The following UPRT variants were observed in gnomAD, a reference collection of about 807,000 sequenced individuals.
UPRT encodes the protein RP11-311P8.3.
Under a neutral mutation model 22.6 loss-of-function variants are expected in UPRT, and 5 were observed. The observed-to-expected ratio is 0.22, with a 90% CI of 0.12 to 0.47. The LOEUF is 0.47. Ranked by LOEUF, UPRT falls within the 20% of genes least tolerant of loss-of-function variation. The pLI, the probability that UPRT is intolerant of heterozygous loss-of-function variation, is 0.99. For synonymous variants in UPRT, 77 were observed against 87.7 expected (o/e 0.88, Z 0.68); for missense variants, 181 against 239.9 (o/e 0.75, Z 1.62).
intron 1 of UPRT, among the ~76,000 whole-genome samples, chrX:75,283,101 C>A (rs570695676): frequency 8.9e-6 from 1 of 111,893 alleles, no homozygotes; most frequent in Non-Finnish European, 1.9e-5. Flanking sequence ...TACTCCAGCT[C>A]GGTTTTGGTG....
intron 4 of UPRT, among the ~76,000 whole-genome samples, chrX:75,238,153 G>T (rs939291082): frequency 1.8e-5 from 2 of 111,060 alleles, no homozygotes; most frequent in Non-Finnish European, 3.8e-5. Context: ...AATGCAAATG[G>T]CCCTAAATGC....
At chrX:75,196,685 A>C (rs2147621194) in intron 4 of UPRT, among the ~76,000 whole-genome samples, 1 of 111,506 alleles carries the variant, frequency 9.0e-6, no homozygotes, top group Admixed American at 9.5e-5. Flanking sequence ...TGTTTCTACT[A>C]AAAATACACA....
intron 4 of UPRT, among the ~76,000 whole-genome samples, chrX:75,192,334 G>A (rs1602447969): frequency 1.6e-5 from 1 of 61,836 alleles, no homozygotes; most frequent in African/African-American, 3.6e-5. Flanking sequence ...TGATTGACAT[G>A]ATTTCAGTTT....
intron 4 of UPRT, among the ~76,000 whole-genome samples, chrX:75,249,826 C>A (rs1270219337): frequency 2.7e-5 from 3 of 111,476 alleles, no homozygotes; most frequent in African/African-American, 9.8e-5. Context: ...CACTCCTCAG[C>A]AAATGTAAAA....
chrX:75,211,193 C>A (rs764084378), intron 4 of UPRT, among the ~76,000 whole-genome samples: 1 of 110,606 alleles, frequency 9.0e-6, no homozygotes, highest in South Asian at 3.9e-4. Context: ...AGTGAGTACC[C>A]CAGAGGGGAG....
intron 5 of UPRT, among the ~76,000 whole-genome samples, chrX:75,300,269 T>C (rs1275917696): frequency 8.9e-6 from 1 of 111,933 alleles, no homozygotes; most frequent in Non-Finnish European, 1.9e-5. Flanking sequence ...TATTCTGTTC[T>C]GTTTCTTAAG....
At chrX:75,240,107 C>A (rs760668715) in intron 4 of UPRT, among the ~76,000 whole-genome samples, 28 of 111,124 alleles carry the variant, frequency 2.5e-4, no homozygotes, top group Non-Finnish European at 4.9e-4. Flanking sequence ...AGCAATCAGA[C>A]AAGTGAAAGA....
At chrX:75,265,187 C>T (rs758512127) in intron 4 of UPRT, among the ~76,000 whole-genome samples, 4 of 110,797 alleles carry the variant, frequency 3.6e-5, no homozygotes, top group Non-Finnish European at 7.6e-5. Context: ...GGAGTATCTT[C>T]GTGGCATTCT....
At chrX:75,191,816 G>T (rs1008696541) in intron 4 of UPRT, among the ~76,000 whole-genome samples, 1 of 112,187 alleles carries the variant, frequency 8.9e-6, no homozygotes, top group Non-Finnish European at 1.9e-5. Context: ...TTGGAAGAGC[G>T]TATTAGGGTG....
intron 4 of UPRT, among the ~76,000 whole-genome samples, chrX:75,187,536 A>G (rs1255709461): frequency 9.0e-6 from 1 of 110,977 alleles, no homozygotes; most frequent in Non-Finnish European, 1.9e-5. Flanking sequence ...TCTTTGTGGC[A>G]TTCTCTGTAT....
chrX:75,242,758 C>T (rs945998555), intron 4 of UPRT, among the ~76,000 whole-genome samples: 2 of 111,372 alleles, frequency 1.8e-5, no homozygotes, highest in Non-Finnish European at 3.8e-5. Context: ...CTTTTGTCTT[C>T]TCCCAACTCT....
chrX:75,266,547 A>T (rs1033556229), intron 4 of UPRT, among the ~76,000 whole-genome samples: 1 of 111,909 alleles, frequency 8.9e-6, no homozygotes, highest in Non-Finnish European at 1.9e-5. Context: ...CTTCATGTCT[A>T]AAACACCAAA....
chrX:75,300,787 C>T (rs180951538), intron 5 of UPRT, 80 bp from the exon 6 acceptor site: 1 of 783,980 alleles, frequency 1.3e-6, no homozygotes, highest in East Asian at 3.5e-5. Context: ...TCCCTGTCCC[C>T]CCTCCCCCAA....
rs201034223 is a variant in UPRT at position 75,274,775 on chromosome X, G to GGTGTGT, written c.386+172_386+177dup. 2.8e-3 allele frequency: 1,003 copies of GGTGTGT among 361,321 alleles called. 4 individuals are homozygous for GGTGTGT. The highest frequency in any genetic ancestry group is 0.013 in the African/African-American group (424 of 33,517). The allele number at this position is 361,321 out of a possible 1,213,427, so 29.8% of individuals were successfully genotyped here. ...GAGATTGGGGTAAGACCTTTTATTT[G>GGTGTGT]GTGTGTGTGTGTGTGTGTGTGTGTG... On this transcript the variant is annotated intron_variant, in intron 1 of 6. Coordinates refer to ENST00000373383, the MANE Select transcript of UPRT (RefSeq NM_145052.4).
intron 2 of UPRT, among the ~76,000 whole-genome samples, chrX:75,295,910 G>A (rs759752122): frequency 1.8e-5 from 2 of 112,032 alleles, no homozygotes; most frequent in South Asian, 7.5e-4. Flanking sequence ...TTACATTATA[G>A]TGGGCCTTTG....
At position 75,245,995 on chromosome X, in the gene UPRT, G is replaced by T. The variant is rs183087542; in HGVS notation, c.-446-45029G>T. ...TAAACTTAATATATAAAAACGAATT[G>T]ACTTTTCAGAAGACAAAATAGAGAA... On this transcript the variant is annotated intron_variant, in intron 4 of 13. Transcript: ENST00000652605. 6.1e-3 allele frequency among the ~76,000 whole-genome samples: 676 copies of T among 111,399 alleles called. 5 individuals are homozygous for T. The highest frequency in any genetic ancestry group is 0.021 in the African/African-American group (657 of 30,712).
intron 4 of UPRT, among the ~76,000 whole-genome samples, chrX:75,190,458 G>A (rs1190816591): frequency 9.0e-6 from 1 of 111,292 alleles, no homozygotes; most frequent in Non-Finnish European, 1.9e-5. Context: ...TATGTGTCTT[G>A]GAGTTGCTCT....
chrX:75,232,917 C>T (rs1167594281), intron 4 of UPRT, among the ~76,000 whole-genome samples: 7 of 112,346 alleles, frequency 6.2e-5, no homozygotes, highest in African/African-American at 2.3e-4. Context: ...TCACCAGCAA[C>T]AGAACAAAGC....
chrX:75,190,846 T>C (rs756663224), intron 4 of UPRT, among the ~76,000 whole-genome samples: 3 of 111,924 alleles, frequency 2.7e-5, no homozygotes, highest in East Asian at 5.6e-4. Context: ...TTTAAGGACT[T>C]CTCTACACTG....
Sources: allele counts gnomAD v4.1 joint callset (sites outside exome capture counted in the v4.1 genomes callset), GRCh38; gene constraint gnomAD v4.1.1; transcripts MANE v1.5; gene names NCBI Gene and HGNC (gene_info 2026-07-23, HGNC 2026-07-21).